Variants in DLGAP2 observed in about 807,000 individuals in gnomAD.
DLGAP2 encodes DLG associated protein 2, also known as disks large-associated protein 2.
Under a neutral mutation model 100.3 loss-of-function variants are expected in DLGAP2, and 26 were observed. The observed-to-expected ratio is 0.26, with a 90% CI of 0.19 to 0.36. The LOEUF is 0.36. Among genes scored for constraint, DLGAP2 ranks in the 10% least tolerant of loss-of-function variants. The pLI is 1.00. For missense variants in DLGAP2, 1,858 were observed against 1,453.2 expected (o/e 1.28, Z -4.53); for synonymous variants, 886 against 630.1 (o/e 1.41, Z -6.08).
intron 3 of DLGAP2, among the ~76,000 whole-genome samples, chr8:1,398,018 C>CAGAG (rs1796463856): frequency 4.5e-5 from 1 of 22,110 alleles, no homozygotes; most frequent in East Asian, 1.4e-3. Context: ...CCTTGTCCTC[C>CAGAG]TGAGTCGTGT....
chr8:1,473,460 G>C (rs1288611690), intron 3 of DLGAP2, among the ~76,000 whole-genome samples: 1 of 152,152 alleles, frequency 6.6e-6, no homozygotes, highest in African/African-American at 2.4e-5. Flanking sequence ...ACCAGAAAAT[G>C]GCTGCTTGCA....
At chr8:884,249 T>C (rs1185165339) in intron 1 of DLGAP2, among the ~76,000 whole-genome samples, 1 of 152,228 alleles carries the variant, frequency 6.6e-6, no homozygotes, top group Non-Finnish European at 1.5e-5. Context: ...TAATGTACAT[T>C]CCCACCAACA....
chr8:1,145,077 G>A (rs1315830825), intron 2 of DLGAP2, among the ~76,000 whole-genome samples: 1 of 152,236 alleles, frequency 6.6e-6, no homozygotes, highest in Non-Finnish European at 1.5e-5. Context: ...GTATTAGTAG[G>A]TGGCCAAGGG....
intron 4 of DLGAP2, among the ~76,000 whole-genome samples, chr8:1,507,063 TTC>T (rs1799945741): frequency 6.6e-6 from 1 of 152,220 alleles, no homozygotes; most frequent in South Asian, 2.1e-4. Context: ...CACATAAAAG[TTC>T]TCCAAGTCCC....
At chr8:1,201,887 G>A (rs1441236579) in intron 2 of DLGAP2, among the ~76,000 whole-genome samples, 4 of 152,142 alleles carry the variant, frequency 2.6e-5, no homozygotes, top group African/African-American at 7.2e-5. Context: ...GTGTAAGCAT[G>A]TGGTGTGTAT....
At chr8:758,790 G>T (rs1820984836) in intron 1 of DLGAP2, among the ~76,000 whole-genome samples, 1 of 151,998 alleles carries the variant, frequency 6.6e-6, no homozygotes, top group Non-Finnish European at 1.5e-5. Context: ...CTGAACTCCT[G>T]GGCTCAAGTG....
At position 1,549,200 on chromosome 8, in the gene DLGAP2, C is replaced by T. The variant is rs1232867885; in HGVS notation, c.747C>T (p.Ser249=). The T allele has an allele frequency of 5.0e-6, 8 of 1,601,392 alleles. No individual in the cohort carries two copies. The highest frequency in any genetic ancestry group is 6.8e-6 in the Non-Finnish European group (8 of 1,174,874). Residue 249 remains serine, a synonymous_variant, in exon 5 of 15, where the codon TCC becomes TCT. Coordinates refer to ENST00000637795, the MANE Select transcript of DLGAP2 (RefSeq NM_001346810.2). ...LFTKSHSLEG[S]SKSNANGTKA... ...CCAAGTCGCACTCGCTGGAGGGCTC[C>T]TCCAAAAGCAACGCCAACGGCACCA...
chr8:1,571,593 G>T (rs1332620075), intron 6 of DLGAP2, among the ~76,000 whole-genome samples: 9 of 135,800 alleles, frequency 6.6e-5, no homozygotes, highest in Non-Finnish European at 9.5e-5. Context: ...GGGTGAACTG[G>T]AGGGGCATCT....
rs554539488 is a variant in DLGAP2, at chr8:1,538,240, C to T, written c.173-10386C>T. 3.3e-5 allele frequency among the ~76,000 whole-genome samples: 5 copies of T among 152,262 alleles called. No homozygotes were observed. The East Asian group carries it at 9.7e-4, about 29-fold the overall frequency. ...CTCTTCTTTTTATCACTATCTGCAT[C>T]CACCCAAATACACTTAACTAATTAA... On this transcript the variant is annotated intron_variant, in intron 4 of 14. Transcript: ENST00000637795.
intron 1 of DLGAP2, among the ~76,000 whole-genome samples, chr8:826,968 G>T (rs1412631904): frequency 6.6e-6 from 1 of 152,180 alleles, no homozygotes; most frequent in African/African-American, 2.4e-5. Flanking sequence ...AACTACAGAA[G>T]GGCTTACCCC....
intron 8 of DLGAP2, among the ~76,000 whole-genome samples, chr8:1,638,661 G>A (rs1797826369): frequency 6.6e-6 from 1 of 152,142 alleles, no homozygotes; most frequent in Admixed American, 6.5e-5. Flanking sequence ...GGGGCTCCCG[G>A]CTGAGCTCTG....
At chr8:1,284,899 T>A (rs1799892163) in intron 3 of DLGAP2, among the ~76,000 whole-genome samples, 1 of 152,190 alleles carries the variant, frequency 6.6e-6, no homozygotes, top group Non-Finnish European at 1.5e-5. Flanking sequence ...TTCTCCTCAT[T>A]CTTGACCTTC....
Position 1,182,865 on chromosome 8 carries a change from G to T in DLGAP2, c.74-75986G>T, listed in dbSNP as rs1278711772. Among the ~76,000 whole-genome samples, 4 of 152,234 alleles carry T rather than the reference G, an allele frequency of 2.6e-5. No individual in the cohort carries two copies. The East Asian group carries it at 7.7e-4, about 29-fold the overall frequency. ...GACTCCGCAGCCTGTGGGATCGGCA[G>T]CATCCAGTGAGGTGGAGCGGGGCTC... is the stretch of plus-strand genomic sequence containing the variant. On this transcript the variant is annotated intron_variant, in intron 2 of 14. Transcript: ENST00000637795.
intron 4 of DLGAP2, among the ~76,000 whole-genome samples, chr8:1,521,942 T>C (rs564221456): frequency 2.2e-4 from 33 of 149,160 alleles, no homozygotes; most frequent in African/African-American, 8.3e-4. Context: ...ACACTTGTTT[T>C]AATTTGGAAT....
chr8:1,224,556 G>A (rs1798377444), intron 2 of DLGAP2, among the ~76,000 whole-genome samples: 1 of 151,978 alleles, frequency 6.6e-6, no homozygotes, highest in South Asian at 2.1e-4. Context: ...AAAAATCAAT[G>A]AAACTGTAAC....
Position 1,701,752 on chromosome 8 carries a change from T to A in DLGAP2, c.*346T>A. 3.1e-6 allele frequency: 1 copy of A among 318,672 alleles called. No homozygotes were observed. Among genetic ancestry groups the A allele is most frequent in the Non-Finnish European group, 5.7e-6 (1 of 175,812 alleles). 19.7% of individuals were successfully genotyped at this position (318,672 alleles called of 1,614,324 possible). On this transcript the variant is annotated 3_prime_UTR_variant, in exon 15 of 15. Transcript: ENST00000637795. Reference sequence around the variant, plus strand: ...AACCCAGCTTACATTTTGTTATTTCTATTTTTATAAATTGTGTGATAATTA... The same window carrying A: ...AACCCAGCTTACATTTTGTTATTTCAATTTTTATAAATTGTGTGATAATTA...
At chr8:1,484,511 G>T (rs182008250) in intron 3 of DLGAP2, among the ~76,000 whole-genome samples, 14 of 152,326 alleles carry the variant, frequency 9.2e-5, no homozygotes, top group Admixed American at 5.2e-4. Context: ...CATGGTCTGT[G>T]ATGTTTTGAT....
chr8:1,173,678 C>G (rs941446060), intron 2 of DLGAP2, among the ~76,000 whole-genome samples: 1 of 152,210 alleles, frequency 6.6e-6, no homozygotes, highest in Admixed American at 6.5e-5. Context: ...GTAGGACCCT[C>G]TGAGCCAGGT....
intron 3 of DLGAP2, among the ~76,000 whole-genome samples, chr8:1,409,105 C>G (rs1009215477): frequency 2.0e-5 from 3 of 151,870 alleles, no homozygotes; most frequent in African/African-American, 4.8e-5. Context: ...GGACCACTGC[C>G]CAGTTCCTTG....
Sources: gnomAD v4.1 joint callset for allele counts (sites outside exome capture counted in the v4.1 genomes callset) on GRCh38, gnomAD v4.1.1 for gene constraint, MANE v1.5 for transcripts, NCBI Gene and HGNC (gene_info 2026-07-23, HGNC 2026-07-21) for gene names.